PHF21A: variants seen among roughly 807,000 people sequenced by gnomAD.
PHF21A encodes the protein PHD finger protein 21A.
Under a neutral mutation model 82.5 loss-of-function variants are expected in PHF21A, and 11 were observed. The ratio of observed to expected loss-of-function variants is 0.13; its 90% CI spans 0.08 to 0.22. The LOEUF (loss-of-function observed/expected upper bound fraction) is 0.22. PHF21A is among the 10% of genes least tolerant of loss of function. The pLI is 1.00. For missense variants in PHF21A, 579 were observed against 837.8 expected (o/e 0.69, Z 3.81); for synonymous variants, 297 against 302.8 (o/e 0.98, Z 0.20).
In PHF21A at chr11:45,979,955, A is replaced by G. The variant is rs150224569; in HGVS notation, c.165T>C (p.Val55=). ...TALSEKQKRV[V]EQLRKNLIVK... is the part of the protein sequence containing the mutation. Reference sequence around the variant, plus strand: ...CTATCAGGTTCTTCCGTAGCTGTTCAACTACTCTTTTCTACCAAATGAAGA... The same window carrying G: ...CTATCAGGTTCTTCCGTAGCTGTTCGACTACTCTTTTCTACCAAATGAAGA... Residue 55 remains valine, a synonymous_variant, in exon 7 of 19, where the codon GTT becomes GTC. Coordinates refer to ENST00000676320, the MANE Select transcript of PHF21A (RefSeq NM_001352027.3). 1.8e-5 allele frequency: 29 copies of G among 1,613,994 alleles called. No individual in the cohort carries two copies. The African/African-American group carries it at 3.6e-4, about 20-fold the overall frequency.
intron 7 of PHF21A, among the ~76,000 whole-genome samples, chr11:45,975,280 C>A (rs1161513505): frequency 6.6e-6 from 1 of 151,180 alleles, no homozygotes; most frequent in African/African-American, 2.4e-5. Flanking sequence ...CACCATTGCA[C>A]TCCAGCCTAG....
intron 3 of PHF21A, among the ~76,000 whole-genome samples, chr11:46,089,407 C>T (rs1397855212): frequency 6.6e-6 from 1 of 151,998 alleles, no homozygotes; most frequent in Non-Finnish European, 1.5e-5. Flanking sequence ...CATTTATTAA[C>T]ATGAATCAAT....
rs1414730179 is a variant in PHF21A, at chr11:45,930,658, C to G, written c.*3310G>C. On this transcript the variant is annotated 3_prime_UTR_variant, in exon 19 of 19. Coordinates refer to ENST00000676320, the MANE Select transcript of PHF21A (RefSeq NM_001352027.3). ...CCTGGACAGGAGCTGGCAGGGGACT[C>G]CCAGTCATCACTGCCACCAGGGCGC... is the stretch of plus-strand genomic sequence containing the variant. 6.6e-6 allele frequency: 1 copy of G among 152,376 alleles called. No individual in the cohort carries two copies. The allele number at this position is 152,376 out of a possible 1,614,324, so 9.4% of individuals were successfully genotyped here.
intron 10 of PHF21A, among the ~76,000 whole-genome samples, chr11:45,955,883 G>C (rs1176110853): frequency 6.6e-6 from 1 of 152,162 alleles, no homozygotes; most frequent in Non-Finnish European, 1.5e-5. Context: ...ACCATGTGAT[G>C]AGCTCAGATG....
At chr11:46,071,310 AG>A in intron 6 of PHF21A, among the ~76,000 whole-genome samples, 1 of 152,336 alleles carries the variant, frequency 6.6e-6, no homozygotes, top group East Asian at 1.9e-4. Context: ...AAACACATTT[AG>A]AGTAGACCTA....
At chr11:46,044,265 G>T (rs551791257) in intron 6 of PHF21A, among the ~76,000 whole-genome samples, 2 of 151,892 alleles carry the variant, frequency 1.3e-5, no homozygotes, top group Non-Finnish European at 2.9e-5. Flanking sequence ...GCTTTATTGA[G>T]AATACATTAT....
In PHF21A at chr11:46,053,197, G is replaced by C. The variant is rs368265106; in HGVS notation, c.153+23557C>G. 6.7e-4 allele frequency among the ~76,000 whole-genome samples: 102 copies of C among 152,232 alleles called. No individual in the cohort carries two copies. The South Asian group carries it at 0.02, about 31-fold the overall frequency. ...AAATGTTTGGTTTCACAGAACACTAGATCACATCTCTCATGGATAGCAGAA... is the reference window on the plus strand; with the variant it reads ...AAATGTTTGGTTTCACAGAACACTACATCACATCTCTCATGGATAGCAGAA... On this transcript the variant is annotated intron_variant, in intron 6 of 18. Coordinates refer to ENST00000676320, the MANE Select transcript of PHF21A (RefSeq NM_001352027.3).
chr11:46,117,492 A>G (rs531688781), intron 1 of PHF21A, among the ~76,000 whole-genome samples: 1 of 152,360 alleles, frequency 6.6e-6, no homozygotes, highest in Admixed American at 6.5e-5. Context: ...TACATCAACC[A>G]TATGTATTTA....
At chr11:45,964,866 C>T (rs994395554) in intron 10 of PHF21A, among the ~76,000 whole-genome samples, 17 of 152,166 alleles carry the variant, frequency 1.1e-4, no homozygotes, top group African/African-American at 3.4e-4. Context: ...TTTGGCTCCC[C>T]ATTATCTGTA....
intron 6 of PHF21A, among the ~76,000 whole-genome samples, chr11:45,992,409 G>A (rs1047920035): frequency 3.3e-5 from 5 of 151,820 alleles, no homozygotes; most frequent in South Asian, 2.1e-4. Context: ...GCATGGTGGC[G>A]GGCGCCTGTA....
At chr11:46,017,863 T>C (rs2095547512) in intron 6 of PHF21A, among the ~76,000 whole-genome samples, 1 of 152,148 alleles carries the variant, frequency 6.6e-6, no homozygotes, top group African/African-American at 2.4e-5. Context: ...TCTTATTACT[T>C]TGCCTTTTCA....
At chr11:45,992,098 A>G (rs1032819947) in intron 6 of PHF21A, among the ~76,000 whole-genome samples, 1 of 152,196 alleles carries the variant, frequency 6.6e-6, no homozygotes, top group African/African-American at 2.4e-5. Context: ...ACACTAATCA[A>G]TGAACTGCTT....
At chr11:46,085,960 A>C (rs2096851903) in intron 3 of PHF21A, among the ~76,000 whole-genome samples, 1 of 152,150 alleles carries the variant, frequency 6.6e-6, no homozygotes, top group Middle Eastern at 3.2e-3. Flanking sequence ...CCAAAAGTGC[A>C]AAATTCCTTT....
chr11:45,974,855 T>A (rs568814206), intron 7 of PHF21A, among the ~76,000 whole-genome samples: 40 of 152,334 alleles, frequency 2.6e-4, no homozygotes, highest in South Asian at 2.1e-3. Flanking sequence ...CACAGTTTCA[T>A]GATGGGGTCC....
At chr11:46,074,223 GA>G (rs1271108110) in intron 6 of PHF21A, among the ~76,000 whole-genome samples, 3 of 151,042 alleles carry the variant, frequency 2.0e-5, no homozygotes, top group East Asian at 1.9e-4. Flanking sequence ...AATAAATATT[GA>G]AAAAAATGAT....
intron 6 of PHF21A, among the ~76,000 whole-genome samples, chr11:46,069,239 T>C (rs535340634): frequency 4.6e-5 from 7 of 152,350 alleles, no homozygotes; most frequent in Admixed American, 4.6e-4. Flanking sequence ...CTGTATTTGA[T>C]GAAAACGAGG....
At chr11:46,002,395 T>A (rs1462008378) in intron 6 of PHF21A, among the ~76,000 whole-genome samples, 1 of 152,244 alleles carries the variant, frequency 6.6e-6, no homozygotes, top group East Asian at 1.9e-4. Context: ...TTTGTAACTT[T>A]ACTACAATTT....
At chr11:46,059,374 T>G (rs372115450) in intron 6 of PHF21A, among the ~76,000 whole-genome samples, 1 of 152,178 alleles carries the variant, frequency 6.6e-6, no homozygotes, top group Non-Finnish European at 1.5e-5. Flanking sequence ...GCTCAAGATA[T>G]AGACAAAATA....
intron 6 of PHF21A, among the ~76,000 whole-genome samples, chr11:46,015,741 C>G (rs770468361): frequency 4.6e-5 from 7 of 152,126 alleles, no homozygotes; most frequent in Admixed American, 6.5e-5. Context: ...GGGTCACAAT[C>G]ATCAATATTA....
Sources: allele counts gnomAD v4.1 joint callset (sites outside exome capture counted in the v4.1 genomes callset), GRCh38; gene constraint gnomAD v4.1.1; transcripts MANE v1.5; gene names NCBI Gene and HGNC (gene_info 2026-07-23, HGNC 2026-07-21).